PATJ: variants seen among roughly 807,000 people sequenced by gnomAD.
PATJ encodes inaD-like protein.
A neutral mutation model predicts 224.9 loss-of-function variants in PATJ; 190 were observed. The observed-to-expected ratio is 0.84, with a 90% CI of 0.75 to 0.95. PATJ has a LOEUF of 0.95. Ranked by LOEUF, PATJ falls within the 40% of genes least tolerant of loss-of-function variation. The pLI, the probability that PATJ is intolerant of heterozygous loss-of-function variation, is 0.00. For missense variants in PATJ, 2,121 were observed against 2,270.3 expected (o/e 0.93, Z 1.34); for synonymous variants, 769 against 820.3 (o/e 0.94, Z 1.07).
chr1:61,990,037 CA>C (rs1337020954), intron 27 of PATJ, 130 bp from the exon 28 acceptor site: 45 of 684,042 alleles, frequency 6.6e-5, no homozygotes, highest in Non-Finnish European at 9.6e-5. Context: ...CGCAATATAG[CA>C]AGACTCTGTC....
chr1:61,745,597 T>TTTAA (rs1410401140), intron 1 of PATJ, among the ~76,000 whole-genome samples: 1 of 148,528 alleles, frequency 6.7e-6, no homozygotes, highest in Non-Finnish European at 1.5e-5. Flanking sequence ...TTTATTTTAT[T>TTTAA]TTAATTAATT....
At chr1:62,088,376 C>A (rs1318036061) in intron 33 of PATJ, among the ~76,000 whole-genome samples, 4 of 152,144 alleles carry the variant, frequency 2.6e-5, no homozygotes, top group Non-Finnish European at 5.9e-5. Flanking sequence ...TTGCCCTGCT[C>A]CCCTGAATTT....
At chr1:61,990,421 G>A (rs1230709536) in intron 28 of PATJ, 57 bp downstream of exon 28, 1 of 1,235,198 alleles carries the variant, frequency 8.1e-7, no homozygotes, top group Non-Finnish European at 1.1e-6. Flanking sequence ...TGCAGTGGAT[G>A]TTGTATAGGA....
At chr1:61,963,370 A>T (rs1681600529) in intron 27 of PATJ, among the ~76,000 whole-genome samples, 1 of 148,584 alleles carries the variant, frequency 6.7e-6, no homozygotes, top group Non-Finnish European at 1.5e-5. Flanking sequence ...CAAGGCAGGT[A>T]GATTGCTTGA....
At chr1:61,946,910 AAC>A (rs748479543) in intron 27 of PATJ, among the ~76,000 whole-genome samples, 55 of 152,352 alleles carry the variant, frequency 3.6e-4, no homozygotes, top group Middle Eastern at 3.4e-3. Flanking sequence ...AGGCTGGTTC[AAC>A]ATATGCAAAC....
At chr1:62,133,900 C>T (rs1288499850) in intron 41 of PATJ, among the ~76,000 whole-genome samples, 2 of 152,038 alleles carry the variant, frequency 1.3e-5, no homozygotes, top group African/African-American at 4.8e-5. Flanking sequence ...GCACCCACCA[C>T]CATGCCCGGC....
At chr1:61,908,524 T>G in intron 25 of PATJ, 42 bp downstream of exon 25, 1 of 1,231,730 alleles carries the variant, frequency 8.1e-7, no homozygotes, top group South Asian at 1.2e-5. Context: ...AACAACACTC[T>G]GTATACCTGC....
chr1:61,777,535 G>GA (rs1042585629), intron 7 of PATJ, among the ~76,000 whole-genome samples: 45 of 150,932 alleles, frequency 3.0e-4, no homozygotes, highest in African/African-American at 9.5e-4. Context: ...CCTGTCTCAA[G>GA]AAAAAAAATA....
chr1:61,965,002 C>T (rs2149440450), intron 27 of PATJ, among the ~76,000 whole-genome samples: 1 of 151,054 alleles, frequency 6.6e-6, no homozygotes, highest in East Asian at 2.0e-4. Context: ...GCGCCAGCTG[C>T]TCGGGAGGCT....
intron 26 of PATJ, among the ~76,000 whole-genome samples, chr1:61,918,389 C>T (rs946708695): frequency 6.8e-6 from 1 of 148,130 alleles, no homozygotes; most frequent in Non-Finnish European, 1.5e-5. Context: ...CTCACTGCAA[C>T]CTCCGCCTCC....
At chr1:62,093,128 T>G (rs1440783816) in intron 33 of PATJ, among the ~76,000 whole-genome samples, 1 of 152,184 alleles carries the variant, frequency 6.6e-6, no homozygotes, top group Non-Finnish European at 1.5e-5. Flanking sequence ...TAATTCATTC[T>G]TATTAAACAG....
intron 17 of PATJ, chr1:61,845,979 TAGC>T (rs1435858853): frequency 6.6e-6 from 1 of 152,222 alleles, no homozygotes; most frequent in East Asian, 1.9e-4. Context: ...GTGAGGGGTT[TAGC>T]AGATGATAGC....
intron 41 of PATJ, among the ~76,000 whole-genome samples, chr1:62,146,866 G>A (rs937085585): frequency 1.3e-5 from 2 of 152,116 alleles, no homozygotes; most frequent in Admixed American, 6.5e-5. Flanking sequence ...AGACAGAGAT[G>A]AGCCAAGGAT....
At chr1:61,845,234 T>C (rs1167687627) in intron 17 of PATJ, among the ~76,000 whole-genome samples, 1 of 152,206 alleles carries the variant, frequency 6.6e-6, no homozygotes, top group Non-Finnish European at 1.5e-5. Context: ...TAATCATCCT[T>C]GTTTTATGGA....
At chr1:62,143,772 G>A (rs1667740494) in intron 41 of PATJ, among the ~76,000 whole-genome samples, 1 of 152,044 alleles carries the variant, frequency 6.6e-6, no homozygotes, top group Non-Finnish European at 1.5e-5. Flanking sequence ...TGAGCACGTT[G>A]GAATGTAAAG....
chr1:62,075,000 A>G (rs1469296047), intron 31 of PATJ, among the ~76,000 whole-genome samples: 1 of 152,086 alleles, frequency 6.6e-6, no homozygotes, highest in Non-Finnish European at 1.5e-5. Context: ...ATATACTCCC[A>G]CCTACCTCAA....
intron 17 of PATJ, among the ~76,000 whole-genome samples, chr1:61,836,291 C>T (rs2148809295): frequency 6.6e-6 from 1 of 151,858 alleles, no homozygotes; most frequent in Non-Finnish European, 1.5e-5. Flanking sequence ...TTTCCTTTTC[C>T]TCTTATTTAC....
chr1:62,069,630 G>A (rs138358387), intron 31 of PATJ, among the ~76,000 whole-genome samples: 55 of 152,172 alleles, frequency 3.6e-4, no homozygotes, highest in African/African-American at 1.1e-3. Context: ...CATTTTTGAG[G>A]ACAAGAAAAA....
intron 29 of PATJ, among the ~76,000 whole-genome samples, chr1:62,034,911 C>T (rs1650078206): frequency 6.6e-6 from 1 of 151,960 alleles, no homozygotes; most frequent in Non-Finnish European, 1.5e-5. Flanking sequence ...TCATGTACAG[C>T]CATATTTTTA....
Sources: allele counts gnomAD v4.1 joint callset (sites outside exome capture counted in the v4.1 genomes callset), GRCh38; gene constraint gnomAD v4.1.1; transcripts MANE v1.5; gene names NCBI Gene and HGNC (gene_info 2026-07-23, HGNC 2026-07-21).